The following NKAIN3 variants were observed in gnomAD, a reference collection of about 807,000 sequenced individuals.
The protein encoded by NKAIN3 is sodium/potassium transporting ATPase interacting 3, also known as sodium/potassium-transporting ATPase subunit beta-1-interacting protein 3.
Under a neutral mutation model 30.2 loss-of-function variants are expected in NKAIN3, and 25 were observed. That is an observed-to-expected ratio of 0.83 (90% CI 0.60 to 1.16). NKAIN3 has a LOEUF of 1.16. NKAIN3 is among the 50% of genes most tolerant of loss of function. The pLI is 0.00. For synonymous variants in NKAIN3, 91 were observed against 89.6 expected, an observed-to-expected ratio of 1.02 and a Z score of -0.09; for missense variants, 225 against 254.1, an observed-to-expected ratio of 0.89 and a Z score of 0.78.
intron 4 of NKAIN3, among the ~76,000 whole-genome samples, chr8:62,897,198 A>G (rs1400218816): frequency 2.6e-5 from 4 of 152,184 alleles, no homozygotes; most frequent in Admixed American, 6.6e-5. Flanking sequence ...GAATGAAGGA[A>G]TAAATGTAGA....
At chr8:62,721,760 G>A (rs1238211382) in intron 3 of NKAIN3, among the ~76,000 whole-genome samples, 2 of 152,150 alleles carry the variant, frequency 1.3e-5, no homozygotes, top group Non-Finnish European at 2.9e-5. Flanking sequence ...TCATAAGGAG[G>A]AAACCTACAT....
chr8:62,253,820 C>G (rs927231004), intron 1 of NKAIN3, among the ~76,000 whole-genome samples: 1 of 152,130 alleles, frequency 6.6e-6, no homozygotes, highest in African/African-American at 2.4e-5. Context: ...TGCAGCTCAC[C>G]TGTCGTAGAT....
chr8:62,829,742 T>TGATA (rs57301851), intron 4 of NKAIN3, among the ~76,000 whole-genome samples: 87,688 of 150,258 alleles, frequency 0.58, 25,716 homozygotes, highest in South Asian at 0.65. Flanking sequence ...GATAGATAGA[T>TGATA]GATAGATAGA....
intron 1 of NKAIN3, among the ~76,000 whole-genome samples, chr8:62,323,243 G>T (rs1815001308): frequency 6.6e-6 from 1 of 152,140 alleles, no homozygotes; most frequent in South Asian, 2.1e-4. Context: ...GTCTACAACA[G>T]CTTTGCTCAT....
intron 3 of NKAIN3, among the ~76,000 whole-genome samples, chr8:62,623,499 T>C (rs1270296108): frequency 3.3e-5 from 5 of 152,142 alleles, no homozygotes; most frequent in Non-Finnish European, 7.4e-5. Context: ...TGTTTGAATC[T>C]ATTATTCTGA....
At chr8:62,315,152 G>A (rs1480642210) in intron 1 of NKAIN3, among the ~76,000 whole-genome samples, 5 of 152,146 alleles carry the variant, frequency 3.3e-5, no homozygotes, top group African/African-American at 4.8e-5. Context: ...CATTATCTAA[G>A]TTACAGCTAT....
chr8:62,729,040 C>CAAAACAAAAAAAA (rs1815374188), intron 3 of NKAIN3, among the ~76,000 whole-genome samples: 1 of 61,206 alleles, frequency 1.6e-5, no homozygotes, highest in Admixed American at 2.2e-4. Flanking sequence ...AAAAAAAAAA[C>CAAAACAAAAAAAA]AAAAAAAAAA....
intron 1 of NKAIN3, among the ~76,000 whole-genome samples, chr8:62,557,050 T>C (rs1809420033): frequency 6.6e-6 from 1 of 152,022 alleles, no homozygotes; most frequent in South Asian, 2.1e-4. Flanking sequence ...CTGAGCAGTA[T>C]ACACTGTACC....
At chr8:62,634,812 A>T (rs1812075003) in intron 3 of NKAIN3, among the ~76,000 whole-genome samples, 1 of 152,166 alleles carries the variant, frequency 6.6e-6, no homozygotes, top group Non-Finnish European at 1.5e-5. Flanking sequence ...TAAACCAAAC[A>T]AGAATGGACT....
At chr8:62,772,057 C>T (rs1817031651) in intron 4 of NKAIN3, among the ~76,000 whole-genome samples, 1 of 152,060 alleles carries the variant, frequency 6.6e-6, no homozygotes, top group Admixed American at 6.6e-5. Context: ...CTACTACCCC[C>T]CACTATTCTT....
intron 1 of NKAIN3, among the ~76,000 whole-genome samples, chr8:62,316,428 C>T (rs980926369): frequency 6.6e-6 from 1 of 151,320 alleles, no homozygotes; most frequent in East Asian, 2.0e-4. Flanking sequence ...TATCCCCCCC[C>T]TCCTCCCACC....
At chr8:62,813,918 A>G (rs958243089) in intron 4 of NKAIN3, among the ~76,000 whole-genome samples, 12 of 152,016 alleles carry the variant, frequency 7.9e-5, no homozygotes, top group Non-Finnish European at 1.5e-4. Flanking sequence ...TGTATATAAT[A>G]TTCTTGACTG....
chr8:62,702,015 C>A (rs147763707), intron 3 of NKAIN3, among the ~76,000 whole-genome samples: 499 of 152,270 alleles, frequency 3.3e-3, no homozygotes, highest in Non-Finnish European at 5.2e-3. Flanking sequence ...GCCACCTGCG[C>A]TTGTGTTCGC....
intron 3 of NKAIN3, among the ~76,000 whole-genome samples, chr8:62,706,542 C>A (rs1814527456): frequency 6.6e-6 from 1 of 151,880 alleles, no homozygotes; most frequent in African/African-American, 2.4e-5. Context: ...GAAACTGTGC[C>A]CTTTACTGCT....
chr8:62,728,974 A>C (rs1435835306), intron 3 of NKAIN3, among the ~76,000 whole-genome samples: 1 of 148,990 alleles, frequency 6.7e-6, no homozygotes, highest in East Asian at 2.0e-4. Context: ...TGAGCGACAG[A>C]GCAAGACTCC....
downstream of NKAIN3, among the ~76,000 whole-genome samples, chr8:62,987,815 C>A (rs1027638063): frequency 2.0e-5 from 3 of 152,106 alleles, no homozygotes; most frequent in African/African-American, 7.2e-5. Flanking sequence ...CCCAACAGTC[C>A]CCCAAAGTCT....
chr8:62,896,023 C>T (rs762956418), intron 4 of NKAIN3, among the ~76,000 whole-genome samples: 3 of 151,266 alleles, frequency 2.0e-5, no homozygotes, highest in African/African-American at 7.3e-5. Flanking sequence ...GTCAGGACAA[C>T]GTTGATGTCT....
chr8:62,412,805 G>A (rs962561106), intron 1 of NKAIN3, among the ~76,000 whole-genome samples: 2 of 151,156 alleles, frequency 1.3e-5, no homozygotes, highest in Admixed American at 6.6e-5. Flanking sequence ...CCAGCTACTC[G>A]GGAGGCTGAG....
chr8:62,522,398 A>G (rs569735582), intron 1 of NKAIN3, among the ~76,000 whole-genome samples: 80 of 152,246 alleles, frequency 5.3e-4, no homozygotes, highest in African/African-American at 1.9e-3. Flanking sequence ...ATAGTACATG[A>G]CTATGTTGCT....
Sources: gnomAD v4.1 joint callset for allele counts (sites outside exome capture counted in the v4.1 genomes callset) on GRCh38, gnomAD v4.1.1 for gene constraint, MANE v1.5 for transcripts, NCBI Gene and HGNC (gene_info 2026-07-23, HGNC 2026-07-21) for gene names.